Variants in KLF8 observed in about 807,000 individuals in gnomAD.
KLF8 encodes the protein Krueppel-like factor 8.
In KLF8, 10 loss-of-function variants were observed where a neutral mutation model predicts 18.2. The observed-to-expected ratio is 0.55, with a 90% CI of 0.34 to 0.93. The LOEUF (loss-of-function observed/expected upper bound fraction) is 0.93, where lower values mean the gene tolerates loss of function less well. Ranked by LOEUF, KLF8 falls within the 40% of genes least tolerant of loss-of-function variation. The pLI is 0.02. For synonymous variants in KLF8, 109 were observed against 97.3 expected (o/e 1.12, Z -0.71); for missense variants, 264 against 277.9 (o/e 0.95, Z 0.36).
At position 56,269,369 on chromosome X, in the gene KLF8, T is replaced by C; in HGVS notation, c.647-9T>C. ...TTCAGCTCACACTGCTCCCTTTCTT[T>C]GCTTTTAGTGAAAGTTGACCCCACC... On this transcript the variant is annotated splice_polypyrimidine_tract_variant and intron_variant, in intron 3 of 5. Transcript: ENST00000468660. The C allele has an allele frequency of 1.7e-6, 2 of 1,200,353 alleles. No individual in the cohort carries two copies. Among genetic ancestry groups the C allele is most frequent in the East Asian group, 6.0e-5 (2 of 33,533 alleles).
the KLF8 span, among the ~76,000 whole-genome samples, chrX:56,176,241 C>G: frequency 9.0e-6 from 1 of 111,677 alleles, no homozygotes; most frequent in African/African-American, 3.3e-5. Flanking sequence ...TGGCTGGTAC[C>G]GGTTGTTCCT....
chrX:56,100,276 A>G, the KLF8 span, among the ~76,000 whole-genome samples: 1 of 111,320 alleles, frequency 9.0e-6, no homozygotes, highest in Non-Finnish European at 1.9e-5. Flanking sequence ...TAAGCCCACA[A>G]TTGAGACACT....
At chrX:56,206,088 T>C in the KLF8 span, among the ~76,000 whole-genome samples, 2 of 110,908 alleles carry the variant, frequency 1.8e-5, no homozygotes, top group Non-Finnish European at 3.8e-5. Flanking sequence ...TGAGACTTAT[T>C]TACTACCATG....
chrX:56,126,368 C>A, the KLF8 span, among the ~76,000 whole-genome samples: 1 of 112,047 alleles, frequency 8.9e-6, no homozygotes, highest in Non-Finnish European at 1.9e-5. Flanking sequence ...AAACTACCAC[C>A]ATCTCTCTTT....
At chrX:56,167,968 AGTATACCC>A in the KLF8 span, among the ~76,000 whole-genome samples, 1 of 112,064 alleles carries the variant, frequency 8.9e-6, no homozygotes, top group Non-Finnish European at 1.9e-5. Context: ...CAAATACCAC[AGTATACCC>A]ATAAATGGAG....
At chrX:56,138,387 C>T in the KLF8 span, among the ~76,000 whole-genome samples, 48 of 111,411 alleles carry the variant, frequency 4.3e-4, no homozygotes, top group Middle Eastern at 9.2e-3. Context: ...AGGCTAATAT[C>T]CCTAATGAAC....
chrX:55,918,203 A>G, the KLF8 span, among the ~76,000 whole-genome samples: 1 of 112,079 alleles, frequency 8.9e-6, no homozygotes, highest in Non-Finnish European at 1.9e-5. Context: ...TATCTTAATC[A>G]TGATTGTCCC....
chrX:56,199,965 G>A, the KLF8 span, among the ~76,000 whole-genome samples: 1 of 111,158 alleles, frequency 9.0e-6, no homozygotes, highest in Non-Finnish European at 1.9e-5. Context: ...ATCATTCTCA[G>A]GAAACTATCG....
chrX:55,922,708 C>T, the KLF8 span, among the ~76,000 whole-genome samples: 4 of 112,456 alleles, frequency 3.6e-5, no homozygotes, highest in East Asian at 1.1e-3. Context: ...ATGTGGCCAA[C>T]AAACATATGA....
At chrX:56,078,383 G>T in the KLF8 span, among the ~76,000 whole-genome samples, 3 of 112,071 alleles carry the variant, frequency 2.7e-5, no homozygotes, top group Non-Finnish European at 3.8e-5. Flanking sequence ...GGCCCTTTCT[G>T]CATCTATTGA....
the KLF8 span, among the ~76,000 whole-genome samples, chrX:56,094,654 C>T: frequency 9.0e-6 from 1 of 111,082 alleles, no homozygotes; most frequent in Non-Finnish European, 1.9e-5. Context: ...GACCAGAGCA[C>T]TACATATTCT....
chrX:56,183,372 G>T, the KLF8 span, among the ~76,000 whole-genome samples: 12 of 112,058 alleles, frequency 1.1e-4, no homozygotes, highest in African/African-American at 3.9e-4. Flanking sequence ...GTCTATCGCG[G>T]CTCCCCTTGG....
the KLF8 span, among the ~76,000 whole-genome samples, chrX:55,945,177 T>G: frequency 9.0e-6 from 1 of 111,435 alleles, no homozygotes; most frequent in Non-Finnish European, 1.9e-5. Context: ...CTGGTTTGAT[T>G]GCACTGTGGT....
the KLF8 span, chrX:55,961,863 G>A: frequency 1.3e-5 from 3 of 231,038 alleles, no homozygotes; most frequent in Admixed American, 1.6e-4. Context: ...CTCGTCTAGA[G>A]CAGTGAAAAG....
the KLF8 span, among the ~76,000 whole-genome samples, chrX:56,022,008 A>G: frequency 9.0e-6 from 1 of 111,092 alleles, no homozygotes; most frequent in Non-Finnish European, 1.9e-5. Flanking sequence ...GCAAGTGTCA[A>G]CCATATTCAC....
the KLF8 span, among the ~76,000 whole-genome samples, chrX:55,919,461 C>T: frequency 1.8e-5 from 2 of 111,785 alleles, no homozygotes; most frequent in South Asian, 3.7e-4. Flanking sequence ...CAGGGAGGTT[C>T]GTGGTCTGGG....
the KLF8 span, among the ~76,000 whole-genome samples, chrX:55,994,699 A>G: frequency 3.6e-5 from 4 of 111,373 alleles, no homozygotes; most frequent in Non-Finnish European, 7.5e-5. Flanking sequence ...TCAGGGGCAT[A>G]TTGTTTAATT....
chrX:56,175,513 C>T, the KLF8 span, among the ~76,000 whole-genome samples: 1 of 111,473 alleles, frequency 9.0e-6, no homozygotes, highest in African/African-American at 3.3e-5. Context: ...TGCTTTACTT[C>T]CAACTATGTG....
the KLF8 span, among the ~76,000 whole-genome samples, chrX:56,153,155 G>C: frequency 9.0e-6 from 1 of 110,768 alleles, no homozygotes; most frequent in African/African-American, 3.3e-5. Flanking sequence ...AATATAAATA[G>C]CATATTTTTA....
Sources: allele counts gnomAD v4.1 joint callset (sites outside exome capture counted in the v4.1 genomes callset), GRCh38; gene constraint gnomAD v4.1.1; transcripts MANE v1.5; gene names NCBI Gene and HGNC (gene_info 2026-07-23, HGNC 2026-07-21).